Variants in CFAP47 observed in about 807,000 individuals in gnomAD.
CFAP47 encodes the protein cilia- and flagella-associated protein 47.
Under a neutral mutation model 148.1 loss-of-function variants are expected in CFAP47, and 29 were observed. The observed-to-expected ratio is 0.20, with a 90% CI of 0.15 to 0.27. The LOEUF is 0.27. Among genes scored for constraint, CFAP47 ranks in the 10% least tolerant of loss-of-function variants. CFAP47 has a pLI of 1.00. For synonymous variants in CFAP47, 664 were observed against 577.3 expected (o/e 1.15, Z -2.15); for missense variants, 1,872 against 1,697.5 (o/e 1.10, Z -1.81).
intron 22 of CFAP47, among the ~76,000 whole-genome samples, chrX:36,017,341 C>T: frequency 8.9e-6 from 1 of 111,952 alleles, no homozygotes; most frequent in Non-Finnish European, 1.9e-5. Flanking sequence ...GGTATTGTCT[C>T]TTCACTTTGT....
At chrX:36,370,274 C>T (rs1241563670) in intron 62 of CFAP47, among the ~76,000 whole-genome samples, 10 of 94,004 alleles carry the variant, frequency 1.1e-4, no homozygotes, top group African/African-American at 3.9e-4. Flanking sequence ...CAGCAGGCCC[C>T]AGTGTGTGAT....
At chrX:36,178,146 A>G (rs1347044082) in intron 39 of CFAP47, among the ~76,000 whole-genome samples, 2 of 111,421 alleles carry the variant, frequency 1.8e-5, no homozygotes, top group Non-Finnish European at 3.8e-5. Context: ...ACACATGGAC[A>G]TAAAGATGGG....
At chrX:36,367,190 T>A in intron 62 of CFAP47, 63 bp downstream of exon 62, 1 of 823,171 alleles carries the variant, frequency 1.2e-6, no homozygotes, top group Non-Finnish European at 1.6e-6. Flanking sequence ...GGAATGAAAT[T>A]TAAGATGGAA....
intron 40 of CFAP47, among the ~76,000 whole-genome samples, chrX:36,185,730 A>T (rs1939799626): frequency 9.0e-6 from 1 of 111,579 alleles, no homozygotes; most frequent in South Asian, 3.8e-4. Flanking sequence ...GTGCTGCAAG[A>T]TAGATTTTAT....
At chrX:36,045,762 C>T (rs1490262343) in intron 25 of CFAP47, among the ~76,000 whole-genome samples, 2 of 111,707 alleles carry the variant, frequency 1.8e-5, no homozygotes, top group African/African-American at 6.5e-5. Flanking sequence ...TAATCATTTT[C>T]TAATATATGA....
At chrX:36,365,094 G>T (rs1941863083) in intron 61 of CFAP47, among the ~76,000 whole-genome samples, 2 of 108,211 alleles carry the variant, frequency 1.8e-5, no homozygotes, top group African/African-American at 3.3e-5. Flanking sequence ...GGTAACAGCA[G>T]AAGTGGAGAA....
Position 36,322,021 on chromosome X carries a change from A to T in CFAP47, c.8443+2714A>T, listed in dbSNP as rs183664227. On this transcript the variant is annotated intron_variant, in intron 57 of 63. Transcript: ENST00000378653. ...TAGGCAACTTTTACTCCTTCAATTT[A>T]TCTATATTGTGCTTTTTTGCTGTGT... Among the ~76,000 whole-genome samples the T allele has an allele frequency of 3.4e-3, 379 of 111,080 alleles. 1 individual carries two copies. The highest frequency in any genetic ancestry group is 6.2e-3 in the Non-Finnish European group (326 of 52,882).
chrX:35,993,425 A>G (rs908962924), intron 18 of CFAP47, 104 bp downstream of exon 18: 1 of 272,949 alleles, frequency 3.7e-6, no homozygotes, highest in East Asian at 5.3e-5. Context: ...AAAATGGAGT[A>G]CACATGTTTA....
chrX:36,046,759 A>C, intron 25 of CFAP47, 95 bp from the exon 26 acceptor site: 1 of 516,094 alleles, frequency 1.9e-6, no homozygotes, highest in South Asian at 4.2e-5. Flanking sequence ...TCTTATTTTA[A>C]TTTTCTTGAG....
At chrX:36,364,901 CATATATATATATAT>C (rs60748143) in intron 61 of CFAP47, among the ~76,000 whole-genome samples, 969 of 67,349 alleles carry the variant, frequency 0.014, 9 homozygotes, top group South Asian at 0.031. Flanking sequence ...ATATTTTGTG[CATATATATATATAT>C]ATATATATAT....
At chrX:36,060,604 G>A (rs751377774) in intron 26 of CFAP47, among the ~76,000 whole-genome samples, 12 of 111,792 alleles carry the variant, frequency 1.1e-4, no homozygotes, top group Admixed American at 1.9e-4. Context: ...TCTCTCATGT[G>A]ATCTGAAGAA....
At chrX:36,173,913 C>A (rs1270796014) in intron 39 of CFAP47, among the ~76,000 whole-genome samples, 1 of 111,397 alleles carries the variant, frequency 9.0e-6, no homozygotes, top group Non-Finnish European at 1.9e-5. Flanking sequence ...TAAAGTCTCC[C>A]ATTATTAATG....
At position 36,065,654 on chromosome X, in the gene CFAP47, C is replaced by G; in HGVS notation, c.4229C>G (p.Pro1410Arg). 8.5e-7 allele frequency: 1 copy of G among 1,182,650 alleles called. No homozygotes were observed. Among genetic ancestry groups the G allele is most frequent in the Non-Finnish European group, 1.1e-6 (1 of 873,854 alleles). ...GTTTTCACTTTCAGGTTTTCACTTC[C>G]AGTTACTGCAACAGCAGAAAACTGC... Reference protein sequence around the residue: ...CDDRKNWFSLPVTATAENCIL... With the variant: ...CDDRKNWFSLRVTATAENCIL... The change falls in exon 27 of 64, where the codon CCA becomes CGA. Residue 1410 changes from proline (P) to arginine (R), a missense_variant. Transcript: ENST00000378653.
At chrX:36,058,207 A>C (rs1937569274) in intron 26 of CFAP47, among the ~76,000 whole-genome samples, 1 of 111,754 alleles carries the variant, frequency 8.9e-6, no homozygotes, top group Non-Finnish European at 1.9e-5. Context: ...TTTGCCAGCC[A>C]CTCTACATGA....
At chrX:35,926,711 T>A (rs1279617646) in intron 2 of CFAP47, among the ~76,000 whole-genome samples, 1 of 111,925 alleles carries the variant, frequency 8.9e-6, no homozygotes, top group African/African-American at 3.2e-5. Flanking sequence ...ACATATATGA[T>A]CCTCCTTTTC....
chrX:36,231,786 C>CA (rs1427636302), intron 46 of CFAP47, among the ~76,000 whole-genome samples: 28 of 111,444 alleles, frequency 2.5e-4, no homozygotes, highest in Admixed American at 2.5e-3. Flanking sequence ...AGATACATCC[C>CA]ATCAATACCT....
At chrX:36,234,434 C>T (rs1336801527) in intron 46 of CFAP47, among the ~76,000 whole-genome samples, 5 of 112,272 alleles carry the variant, frequency 4.5e-5, no homozygotes, top group African/African-American at 9.7e-5. Context: ...CCATTCTTCA[C>T]GTAGTTCTCA....
intron 8 of CFAP47, among the ~76,000 whole-genome samples, chrX:35,956,616 G>C (rs1936250075): frequency 8.9e-6 from 1 of 111,752 alleles, no homozygotes; most frequent in Non-Finnish European, 1.9e-5. Context: ...TGAAGCTTGA[G>C]TAGAATTTTG....
chrX:36,092,258 C>G (rs1469208366), intron 30 of CFAP47, among the ~76,000 whole-genome samples: 2 of 111,110 alleles, frequency 1.8e-5, no homozygotes, highest in Non-Finnish European at 3.8e-5. Flanking sequence ...TGGATATTCT[C>G]TTTAGAATAA....
Sources: allele counts gnomAD v4.1 joint callset (sites outside exome capture counted in the v4.1 genomes callset), GRCh38; gene constraint gnomAD v4.1.1; transcripts MANE v1.5; gene names NCBI Gene and HGNC (gene_info 2026-07-23, HGNC 2026-07-21).